The following ALDH7A1 variants were observed in gnomAD, a reference collection of about 807,000 sequenced individuals.
ALDH7A1 encodes the protein alpha-aminoadipic semialdehyde dehydrogenase.
In ALDH7A1, 63 loss-of-function variants were observed where a neutral mutation model predicts 79.9. The ratio of observed to expected loss-of-function variants is 0.79; its 90% CI spans 0.64 to 0.97. ALDH7A1 has a LOEUF of 0.97. Ranked by LOEUF, ALDH7A1 falls within the 50% of genes least tolerant of loss-of-function variation. The pLI is 0.00. For synonymous variants in ALDH7A1, 240 were observed against 231.2 expected (o/e 1.04, Z -0.34); for missense variants, 627 against 665.2 (o/e 0.94, Z 0.63).
rs758016489 is a variant in ALDH7A1 at position 126,582,882 on chromosome 5, C to A, written c.486G>T (p.Arg162Ser). The stretch of plus-strand genomic sequence containing the variant: ...AAGGCAAGATAGGTCCTCCAATCAT[C>A]CTTGATAAACCAACAGCATAGTCAC... ...DICDYAVGLS[R>S]MIGGPILPSE... The change falls in exon 5 of 18, where the codon AGG becomes AGT. Residue 162 changes from arginine (R) to serine (S), a missense_variant. By Grantham distance (110) the Arg-to-Ser change is moderately radical. Transcript: ENST00000409134. 6.2e-7 allele frequency: 1 copy of A among 1,613,038 alleles called. No homozygotes were observed. Among genetic ancestry groups the A allele is most frequent in the Non-Finnish European group, 8.5e-7 (1 of 1,179,966 alleles).
intron 10 of ALDH7A1, among the ~76,000 whole-genome samples, chr5:126,560,246 C>T (rs904954713): frequency 5.3e-5 from 8 of 152,182 alleles, no homozygotes; most frequent in Admixed American, 1.3e-4. Context: ...CCAAGGCAGG[C>T]GGATCACCTG....
Position 126,595,116 on chromosome 5 carries a change from AAGGCGGC to A in ALDH7A1, c.76_82del (p.Ala26SerfsTer15), listed in dbSNP as rs1373022366. 1 of 1,585,228 alleles carries A rather than the reference AAGGCGGC, an allele frequency of 6.3e-7. No homozygotes were observed. Among genetic ancestry groups the A allele is most frequent in the African/African-American group, 1.4e-5 (1 of 74,052 alleles). On this transcript the variant is annotated frameshift_variant, in exon 1 of 18. Transcript: ENST00000409134. LOFTEE classifies it high-confidence loss of function. ...CTGATTGATGAGGAGAGTGGACATG[AAGGCGGC>A]AGGCCTGCTCCAAGGTCCAGAGAGC...
chr5:126,568,516 A>T lies in ALDH7A1; in HGVS notation c.774-160T>A, dbSNP rs3734174. The T allele has an allele frequency of 0.22, 150,290 of 686,440 alleles. 25,068 individuals carry two copies. Among genetic ancestry groups the T allele is most frequent in the African/African-American group, 0.71 (39,997 of 56,392 alleles). 42.5% of individuals were successfully genotyped at this position (686,440 alleles called of 1,614,324 possible). ...AAGGGAAGGTCTTCATGAGAAGGAAAAAAGTTTTTCACAGGTAGAACCATT... is the reference window on the plus strand; with the variant it reads ...AAGGGAAGGTCTTCATGAGAAGGAATAAAGTTTTTCACAGGTAGAACCATT... On this transcript the variant is annotated intron_variant, in intron 8 of 17. Coordinates refer to ENST00000409134, the MANE Select transcript of ALDH7A1 (RefSeq NM_001182.5).
chr5:126,559,197 T>C lies in ALDH7A1; in HGVS notation c.1008+43A>G, dbSNP rs764311203. 4 of 1,518,328 alleles carry C rather than the reference T, an allele frequency of 2.6e-6. No homozygotes were observed. The Admixed American group carries it at 5.0e-5, about 19-fold the overall frequency. The allele number at this position is 1,518,328 out of a possible 1,614,324, so 94.1% of individuals were successfully genotyped here. Reference sequence around the variant, plus strand: ...AACAGCAGAACTCATTAAAAAGTAGTGTTTTAAGAGCAAGACAATCGGGCC... The same window carrying C: ...AACAGCAGAACTCATTAAAAAGTAGCGTTTTAAGAGCAAGACAATCGGGCC... On this transcript the variant is annotated intron_variant, in intron 11 of 17. Coordinates refer to ENST00000409134, the MANE Select transcript of ALDH7A1 (RefSeq NM_001182.5).
intron 1 of ALDH7A1, chr5:126,593,936 T>C (rs1313416781): frequency 7.4e-6 from 2 of 269,510 alleles, no homozygotes; most frequent in African/African-American, 4.5e-5. Context: ...TGAGGAGCAA[T>C]TAAAATTATC....
In ALDH7A1 at chr5:126,592,680, C is replaced by T; in HGVS notation, c.296G>A (p.Trp99Ter). The change falls in exon 3 of 18, where the codon TGG becomes TAG. Residue 99 changes from tryptophan (W) to a stop codon, truncating the protein, a stop_gained. Coordinates refer to ENST00000409134, the MANE Select transcript of ALDH7A1 (RefSeq NM_001182.5). LOFTEE classifies it high-confidence loss of function. ...CATACTTACATCTGCCCAGATTTTC[C>T]ATGCTTCTCTTGCTTTCTTTACAGT... is the stretch of plus-strand genomic sequence containing the variant. ...EETVKKAREA[W>*]KIWADIPAPK... 3 of 1,614,080 alleles carry T rather than the reference C, an allele frequency of 1.9e-6. No homozygotes were observed. Among genetic ancestry groups the T allele is most frequent in the Non-Finnish European group, 2.5e-6 (3 of 1,180,002 alleles).
intron 16 of ALDH7A1, among the ~76,000 whole-genome samples, chr5:126,549,045 G>A (rs554005322): frequency 6.3e-5 from 8 of 126,882 alleles, no homozygotes; most frequent in African/African-American, 1.8e-4. Context: ...CTGCACTCCA[G>A]CCTGGGCAAC....
At chr5:126,594,525 A>C (rs1581408457) in intron 1 of ALDH7A1, 2 of 264,270 alleles carry the variant, frequency 7.6e-6, no homozygotes, top group Non-Finnish European at 1.5e-5. Flanking sequence ...GCTCACTACG[A>C]CCTCCACCTC....
chr5:126,557,515 G>C (rs1750237427), intron 11 of ALDH7A1, among the ~76,000 whole-genome samples: 1 of 151,742 alleles, frequency 6.6e-6, no homozygotes, highest in Non-Finnish European at 1.5e-5. Context: ...TGAACCTGGA[G>C]GTGGAGGTTA....
chr5:126,591,700 A>C (rs1714918416), intron 3 of ALDH7A1, among the ~76,000 whole-genome samples: 1 of 152,078 alleles, frequency 6.6e-6, no homozygotes, highest in South Asian at 2.1e-4. Flanking sequence ...AAAGGTTGGG[A>C]AATCAGGCTA....
At chr5:126,550,102 CT>C (rs1749938428) in intron 15 of ALDH7A1, 93 bp downstream of exon 15, 1 of 1,540,546 alleles carries the variant, frequency 6.5e-7, no homozygotes, top group African/African-American at 1.4e-5. Context: ...GCTTTCAATA[CT>C]GAAAAACTGA....
At chr5:126,554,493 T>C (rs1475103055) in intron 12 of ALDH7A1, 100 bp from the exon 13 acceptor site, 9 of 889,536 alleles carry the variant, frequency 1.0e-5, no homozygotes, top group Non-Finnish European at 1.5e-5. Flanking sequence ...TCCCTTCCTA[T>C]ATGCTCTCAA....
At chr5:126,593,914 A>G (rs1751645727) in intron 1 of ALDH7A1, 1 of 268,870 alleles carries the variant, frequency 3.7e-6, no homozygotes. Flanking sequence ...ATCAGGATGA[A>G]ACACCGAGGT....
rs745592760 is a variant in ALDH7A1, at chr5:126,546,325, A to T, written c.1564T>A (p.Cys522Ser). 6 of 1,614,162 alleles carry T rather than the reference A, an allele frequency of 3.7e-6. No homozygotes were observed. Among genetic ancestry groups the T allele is most frequent in the Admixed American group, 1.7e-5 (1 of 60,028 alleles). Residue 522 changes from cysteine (C) to serine (S), a missense_variant and splice_region_variant, in exon 17 of 18, where the codon TGT becomes AGT. Transcript: ENST00000409134. The part of the protein sequence containing the change: ...AWKQYMRRST[C>S]TINYSKDLPL... ...TATCTTCCCAAAGCCTTTTCTTACC[A>T]AGTAGACCTTCTCATGTACTGTTTC...
In ALDH7A1 at chr5:126,544,802, A is replaced by C. The variant is rs1207955487; in HGVS notation, c.*163T>G. ...AACAATTTTATTTTGATTTTTAAAA[A>C]AGGAATCTCTTGATTTAATCAGGGC... On this transcript the variant is annotated 3_prime_UTR_variant, in exon 18 of 18. Transcript: ENST00000409134. The C allele has an allele frequency of 7.9e-6, 5 of 633,696 alleles. No individual in the cohort carries two copies. The highest frequency in any genetic ancestry group is 1.4e-5 in the Non-Finnish European group (5 of 358,224). The allele number at this position is 633,696 out of a possible 1,614,324, so 39.3% of individuals were successfully genotyped here.
rs386404930 is a variant in ALDH7A1 at position 126,571,150 on chromosome 5, ATTTTTTTTT to A, written c.696-300_696-292del. The A allele has an allele frequency of 8.9e-4, 197 of 221,868 alleles. 1 individual carries two copies. The highest frequency in any genetic ancestry group is 1.3e-3 in the Non-Finnish European group (155 of 115,842). The allele number at this position is 221,868 out of a possible 1,614,324, so 13.7% of individuals were successfully genotyped here. On this transcript the variant is annotated intron_variant, in intron 7 of 17. Transcript: ENST00000409134. ...GCCGTTTTCAAAAAACTATTAGCAG[ATTTTTTTTT>A]TTTTTTTTTTTTTTTTTAGCCCTAA... is the stretch of plus-strand genomic sequence containing the variant.
rs372965907 is a variant in ALDH7A1 at position 126,576,169 on chromosome 5, A to G, written c.651-705T>C. Among the ~76,000 whole-genome samples, 23 of 150,996 alleles carry G rather than the reference A, an allele frequency of 1.5e-4. No individual in the cohort carries two copies. In the East Asian group the frequency reaches 4.0e-3, roughly 26 times the overall value. On this transcript the variant is annotated intron_variant, in intron 6 of 17. Transcript: ENST00000409134. ...TCCCAGCTACTCGGGAGGCTGAGGC[A>G]GGAGAATGGCGTGAACCTGGGAGGC...
chr5:126,576,832 CAGG>C (rs1199742162), intron 6 of ALDH7A1, among the ~76,000 whole-genome samples: 1 of 152,166 alleles, frequency 6.6e-6, no homozygotes, highest in Non-Finnish European at 1.5e-5. Context: ...GAGGCTGAGG[CAGG>C]AGAATTGCTT....
In ALDH7A1 at chr5:126,571,035, G is replaced by A. The variant is rs1200731645; in HGVS notation, c.696-176C>T. On this transcript the variant is annotated intron_variant, in intron 7 of 17. Transcript: ENST00000409134. ...ATTTCTAAGTCATTGTTCCTAAATGGACTTCTAACATTAAGAACCCTCTTA... is the reference window on the plus strand; with the variant it reads ...ATTTCTAAGTCATTGTTCCTAAATGAACTTCTAACATTAAGAACCCTCTTA... The A allele has an allele frequency of 9.5e-6, 6 of 632,076 alleles. No individual in the cohort carries two copies. The East Asian group carries it at 1.8e-4, about 19-fold the overall frequency. 39.2% of individuals were successfully genotyped at this position (632,076 alleles called of 1,614,324 possible).
Sources: allele counts gnomAD v4.1 joint callset (sites outside exome capture counted in the v4.1 genomes callset), GRCh38; gene constraint gnomAD v4.1.1; transcripts MANE v1.5; gene names NCBI Gene and HGNC (gene_info 2026-07-23, HGNC 2026-07-21).